Variants in PTPRD observed in about 807,000 individuals in gnomAD.
PTPRD encodes receptor-type tyrosine-protein phosphatase delta.
Under a neutral mutation model 214.5 loss-of-function variants are expected in PTPRD, and 34 were observed. The ratio of observed to expected loss-of-function variants is 0.16; its 90% CI spans 0.12 to 0.21. PTPRD has a LOEUF of 0.21. Among genes scored for constraint, PTPRD ranks in the 10% least tolerant of loss-of-function variants. PTPRD has a pLI of 1.00. For synonymous variants in PTPRD, 1,128 were observed against 845.7 expected (o/e 1.33, Z -5.79); for missense variants, 2,545 against 2,398.7 (o/e 1.06, Z -1.27).
chr9:9,553,105 C>T (rs2080716259), intron 8 of PTPRD, among the ~76,000 whole-genome samples: 1 of 152,002 alleles, frequency 6.6e-6, no homozygotes, highest in Admixed American at 6.6e-5. Flanking sequence ...GCCAATACAT[C>T]TAATGTCTGG....
chr9:9,535,091 G>C (rs534867542), intron 8 of PTPRD, among the ~76,000 whole-genome samples: 4 of 152,082 alleles, frequency 2.6e-5, no homozygotes, highest in Admixed American at 1.3e-4. Context: ...CTTTTCCTTT[G>C]AGTGGCTAAT....
At chr9:10,422,308 T>C (rs1289072727) in intron 2 of PTPRD, among the ~76,000 whole-genome samples, 1 of 151,928 alleles carries the variant, frequency 6.6e-6, no homozygotes, top group East Asian at 1.9e-4. Flanking sequence ...AAAAATTAAT[T>C]CAAGATGGAT....
rs572450774 is a variant in PTPRD, at chr9:10,589,066, A to G, written c.-600+23332T>C. Among the ~76,000 whole-genome samples the G allele has an allele frequency of 2.0e-5, 3 of 152,184 alleles. No homozygotes were observed. In the East Asian group the frequency reaches 5.8e-4, roughly 29 times the overall value. ...ATCAGGGCTGGACCCAAATAATTGC[A>G]TAGAGTTGTCTCATGTATAGAATGT... is the stretch of plus-strand genomic sequence containing the variant. On this transcript the variant is annotated intron_variant, in intron 2 of 45. Transcript: ENST00000381196.
At chr9:9,193,380 C>T (rs1225718565) in intron 9 of PTPRD, among the ~76,000 whole-genome samples, 1 of 152,118 alleles carries the variant, frequency 6.6e-6, no homozygotes, top group Non-Finnish European at 1.5e-5. Context: ...TAATCTTCTC[C>T]TGTTTTGTAA....
chr9:9,747,522 G>A (rs917574569), intron 6 of PTPRD, among the ~76,000 whole-genome samples: 1 of 144,224 alleles, frequency 6.9e-6, no homozygotes, highest in Non-Finnish European at 1.5e-5. Flanking sequence ...ATTATACCTG[G>A]TGACTGAATC....
intron 2 of PTPRD, among the ~76,000 whole-genome samples, chr9:10,379,424 A>C (rs764792908): frequency 2.0e-5 from 3 of 151,954 alleles, no homozygotes; most frequent in Non-Finnish European, 2.9e-5. Flanking sequence ...GGTAAAAGTT[A>C]GCATCCTTGT....
In PTPRD at chr9:10,523,614, T is replaced by TAGAGAGAGAGAGAGAGAGAG. The variant is rs1395431811; in HGVS notation, c.-600+88783_-600+88784insCTCTCTCTCTCTCTCTCTCT. 1.0e-4 allele frequency among the ~76,000 whole-genome samples: 10 copies of TAGAGAGAGAGAGAGAGAGAG among 96,992 alleles called. 1 individual carries two copies. The highest frequency in any genetic ancestry group is 3.2e-4 in the African/African-American group (10 of 31,160). The allele number at this position is 96,992 out of a possible 152,430, so 63.6% of individuals were successfully genotyped here. On this transcript the variant is annotated intron_variant, in intron 2 of 45. Coordinates refer to ENST00000381196, the MANE Select transcript of PTPRD (RefSeq NM_002839.4). ...GTATATTTATCTGTATATATATATA[T>TAGAGAGAGAGAGAGAGAGAG]ATATATATAGACAGAAAGAAAGGGA...
chr9:9,713,688 C>T (rs1278005914), intron 7 of PTPRD, among the ~76,000 whole-genome samples: 1 of 152,006 alleles, frequency 6.6e-6, no homozygotes, highest in Middle Eastern at 3.2e-3. Context: ...GAGATGAGGA[C>T]ATTATATAAA....
intron 3 of PTPRD, among the ~76,000 whole-genome samples, chr9:10,170,512 C>A (rs1356846367): frequency 6.6e-6 from 1 of 151,984 alleles, no homozygotes; most frequent in Non-Finnish European, 1.5e-5. Context: ...ACGGTGAAAC[C>A]CCGTCTCTAC....
intron 2 of PTPRD, among the ~76,000 whole-genome samples, chr9:10,424,909 A>T (rs1225245883): frequency 1.3e-5 from 2 of 151,996 alleles, no homozygotes; most frequent in Non-Finnish European, 1.5e-5. Context: ...TTAAATGAAT[A>T]GTCTTACTCT....
intron 8 of PTPRD, among the ~76,000 whole-genome samples, chr9:9,455,969 T>C (rs13288804): frequency 0.16 from 24,057 of 151,732 alleles, 1,957 homozygotes; most frequent in Non-Finnish European, 0.19. Context: ...GAACAATCAA[T>C]ATTTAACCCA....
intron 9 of PTPRD, among the ~76,000 whole-genome samples, chr9:9,228,932 A>T (rs573922793): frequency 1.3e-5 from 2 of 152,258 alleles, no homozygotes; most frequent in South Asian, 4.1e-4. Flanking sequence ...ATGTATGTAC[A>T]TTACCACAAA....
At chr9:9,811,952 C>G (rs1005824363) in intron 5 of PTPRD, among the ~76,000 whole-genome samples, 11 of 152,068 alleles carry the variant, frequency 7.2e-5, no homozygotes, top group Non-Finnish European at 1.6e-4. Flanking sequence ...ACGTGGCAAA[C>G]TTTACTGTTA....
intron 2 of PTPRD, among the ~76,000 whole-genome samples, chr9:10,373,961 T>A (rs1041704262): frequency 1.3e-5 from 2 of 152,074 alleles, no homozygotes; most frequent in African/African-American, 2.4e-5. Flanking sequence ...CACAGGCATA[T>A]CTACCTGGTT....
intron 22 of PTPRD, 56 bp from the exon 23 acceptor site, chr9:8,504,461 T>A: frequency 6.3e-7 from 1 of 1,583,610 alleles, no homozygotes; most frequent in Non-Finnish European, 8.7e-7. Flanking sequence ...AAATACTTTT[T>A]AATCATACTG....
intron 9 of PTPRD, among the ~76,000 whole-genome samples, chr9:9,186,508 G>A (rs1411621935): frequency 2.6e-5 from 4 of 152,024 alleles, no homozygotes; most frequent in Non-Finnish European, 5.9e-5. Context: ...CTAGTCAGGA[G>A]GCTAAGGTGG....
In PTPRD at chr9:8,659,705, G is replaced by C. The variant is rs1426017474; in HGVS notation, c.65-22861C>G. Among the ~76,000 whole-genome samples the C allele has an allele frequency of 2.0e-5, 3 of 152,310 alleles. No homozygotes were observed. In the South Asian group the frequency reaches 6.2e-4, roughly 32 times the overall value. On this transcript the variant is annotated intron_variant, in intron 12 of 45. Transcript: ENST00000381196. ...AGGAAATCCTTAAAGCAAATATGGGGCTGTTCACAGCCATTTCATCATTTT... is the reference window on the plus strand; with the variant it reads ...AGGAAATCCTTAAAGCAAATATGGGCCTGTTCACAGCCATTTCATCATTTT...
chr9:8,789,059 A>G (rs760762710), intron 11 of PTPRD, among the ~76,000 whole-genome samples: 1 of 152,184 alleles, frequency 6.6e-6, no homozygotes, highest in Non-Finnish European at 1.5e-5. Context: ...GTACTGTGAG[A>G]GGCCAGTAAG....
intron 7 of PTPRD, among the ~76,000 whole-genome samples, chr9:9,718,908 T>C (rs1041529019): frequency 1.3e-5 from 2 of 152,168 alleles, no homozygotes; most frequent in Non-Finnish European, 2.9e-5. Context: ...GGCACATTAA[T>C]GGCAGCCGGA....
Sources: gnomAD v4.1 joint callset for allele counts (sites outside exome capture counted in the v4.1 genomes callset) on GRCh38, gnomAD v4.1.1 for gene constraint, MANE v1.5 for transcripts, NCBI Gene and HGNC (gene_info 2026-07-23, HGNC 2026-07-21) for gene names.